Variants in FMN1 observed in about 807,000 individuals in gnomAD.
FMN1 encodes formin-1.
A neutral mutation model predicts 132.4 loss-of-function variants in FMN1; 110 were observed. The ratio of observed to expected loss-of-function variants is 0.83; its 90% CI spans 0.71 to 0.97. The LOEUF (loss-of-function observed/expected upper bound fraction) is 0.97. Ranked by LOEUF, FMN1 falls within the 50% of genes least tolerant of loss-of-function variation. FMN1 has a pLI of 0.00. For synonymous variants in FMN1, 722 were observed against 651.7 expected (o/e 1.11, Z -1.64); for missense variants, 1,792 against 1,705.3 (o/e 1.05, Z -0.90).
intron 3 of FMN1, among the ~76,000 whole-genome samples, chr15:33,168,463 T>C (rs1965194387): frequency 6.6e-6 from 1 of 152,198 alleles, no homozygotes; most frequent in Admixed American, 6.5e-5. Flanking sequence ...CTCTTTGTCC[T>C]GAAAGTATGT....
rs11855803 is a variant in FMN1 at position 32,950,432 on chromosome 15, A to G, written c.3138+13675T>C. On this transcript the variant is annotated intron_variant, in intron 9 of 20. Coordinates refer to ENST00000616417, the MANE Select transcript of FMN1 (RefSeq NM_001277313.2). ...TTCACAATAGCAAAGACATGGAATC[A>G]ACCTATAGATGCCCATCAATGACAG... Among the ~76,000 whole-genome samples, 1,293 of 152,242 alleles carry G rather than the reference A, an allele frequency of 8.5e-3. 24 individuals are homozygous for G. The highest frequency in any genetic ancestry group is 0.03 in the African/African-American group (1,228 of 41,562).
intron 4 of FMN1, among the ~76,000 whole-genome samples, chr15:33,109,767 T>C (rs1207691615): frequency 6.6e-6 from 1 of 151,466 alleles, no homozygotes; most frequent in African/African-American, 2.4e-5. Flanking sequence ...AAATAATATG[T>C]ACAACAACCC....
At chr15:32,855,538 A>G (rs192369259) in intron 17 of FMN1, among the ~76,000 whole-genome samples, 25 of 152,348 alleles carry the variant, frequency 1.6e-4, no homozygotes, top group Admixed American at 7.8e-4. Context: ...ATTCATATTT[A>G]TGTCTTTTCA....
At chr15:32,817,204 A>C (rs2141080039) in intron 17 of FMN1, among the ~76,000 whole-genome samples, 1 of 152,350 alleles carries the variant, frequency 6.6e-6, no homozygotes, top group African/African-American at 2.4e-5. Flanking sequence ...TTTAGTCATA[A>C]AAATGAATAG....
intron 2 of FMN1, among the ~76,000 whole-genome samples, chr15:33,185,774 G>T (rs939107972): frequency 1.3e-5 from 2 of 151,864 alleles, no homozygotes; most frequent in East Asian, 3.9e-4. Flanking sequence ...GTTTCACCAT[G>T]TTGGCCAGGC....
intron 19 of FMN1, among the ~76,000 whole-genome samples, chr15:32,794,279 C>T (rs1439645091): frequency 6.6e-6 from 1 of 152,148 alleles, no homozygotes; most frequent in Non-Finnish European, 1.5e-5. Flanking sequence ...ATTTTCATTT[C>T]ACATAAAATT....
intron 13 of FMN1, 73 bp from the exon 14 acceptor site, chr15:32,900,198 G>C (rs770959797): frequency 6.6e-7 from 1 of 1,517,322 alleles, no homozygotes; most frequent in Admixed American, 1.7e-5. Flanking sequence ...AACAAATATC[G>C]ACTGTGTACT....
chr15:33,189,667 G>C (rs1001313210), intron 2 of FMN1, among the ~76,000 whole-genome samples: 11 of 152,240 alleles, frequency 7.2e-5, no homozygotes, highest in African/African-American at 2.6e-4. Flanking sequence ...AGCCGGCCCC[G>C]TAAGCAAACA....
At position 32,875,613 on chromosome 15, in the gene FMN1, T is replaced by C. The variant is rs146401958; in HGVS notation, c.3835+12559A>G. 2.5e-3 allele frequency among the ~76,000 whole-genome samples: 373 copies of C among 152,208 alleles called. 4 individuals carry two copies. Among genetic ancestry groups the C allele is most frequent in the African/African-American group, 8.6e-3 (356 of 41,518 alleles). On this transcript the variant is annotated intron_variant, in intron 16 of 20. Transcript: ENST00000616417. ...TAGGAGCCACGCTGAGGTTGAGCTATCTGGGAAAGAATCTACGAGAGATAA... is the reference window on the plus strand; with the variant it reads ...TAGGAGCCACGCTGAGGTTGAGCTACCTGGGAAAGAATCTACGAGAGATAA...
At chr15:32,855,974 G>C (rs1390515589) in intron 17 of FMN1, among the ~76,000 whole-genome samples, 6 of 152,176 alleles carry the variant, frequency 3.9e-5, no homozygotes, top group Admixed American at 2.0e-4. Flanking sequence ...TGTAATGGCT[G>C]AGAGAGAAAT....
intron 6 of FMN1, among the ~76,000 whole-genome samples, chr15:33,013,294 G>T (rs1172968939): frequency 2.0e-5 from 3 of 152,202 alleles, no homozygotes; most frequent in Non-Finnish European, 4.4e-5. Context: ...CTGTTCTGTG[G>T]AAAGTATAAA....
At chr15:32,816,419 C>A (rs142879800) in intron 17 of FMN1, among the ~76,000 whole-genome samples, 88 of 152,182 alleles carry the variant, frequency 5.8e-4, no homozygotes, top group Non-Finnish European at 8.5e-4. Context: ...AGGTAACATA[C>A]CAAAATATTA....
In FMN1 at chr15:33,111,940, G is replaced by A. The variant is rs76299446; in HGVS notation, c.1868-22966C>T. ...TTTAAATGAGTGAATTATATGGCAT[G>A]TGTATTATATCTTAATAAAGCTGTT... On this transcript the variant is annotated intron_variant, in intron 4 of 20. Transcript: ENST00000616417. Among the ~76,000 whole-genome samples the A allele has an allele frequency of 7.8e-3, 1,185 of 152,246 alleles. 24 individuals carry two copies. The highest frequency in any genetic ancestry group is 0.054 in the East Asian group (282 of 5,180).
At chr15:33,156,448 G>T (rs1451481416) in intron 3 of FMN1, among the ~76,000 whole-genome samples, 1 of 151,026 alleles carries the variant, frequency 6.6e-6, no homozygotes, top group Admixed American at 6.6e-5. Flanking sequence ...CACCCAGCTA[G>T]TTTTTTTGTA....
At chr15:33,067,003 G>A (rs769679389) in intron 5 of FMN1, 1 of 1,613,938 alleles carries the variant, frequency 6.2e-7, no homozygotes, top group Non-Finnish European at 8.5e-7. Context: ...TTTCCGTGAT[G>A]GTCTCTCCTC....
chr15:33,177,858 A>T (rs1441560509), intron 3 of FMN1, among the ~76,000 whole-genome samples: 1 of 152,018 alleles, frequency 6.6e-6, no homozygotes, highest in Non-Finnish European at 1.5e-5. Context: ...TACAAAAAAA[A>T]TTAGCCAGGC....
chr15:33,185,395 T>C (rs945206824), intron 2 of FMN1, among the ~76,000 whole-genome samples: 8 of 152,000 alleles, frequency 5.3e-5, no homozygotes, highest in Non-Finnish European at 2.9e-5. Context: ...TTTGTATTAT[T>C]ATATTAATAT....
At chr15:33,157,762 C>CG (rs750811628) in intron 3 of FMN1, among the ~76,000 whole-genome samples, 1 of 151,958 alleles carries the variant, frequency 6.6e-6, no homozygotes, top group Non-Finnish European at 1.5e-5. Context: ...GAGGCCAAGG[C>CG]GGGAGGTTGC....
chr15:32,973,052 C>T (rs538650117), intron 7 of FMN1, among the ~76,000 whole-genome samples: 30 of 152,312 alleles, frequency 2.0e-4, no homozygotes, highest in Admixed American at 9.8e-4. Context: ...CTCAATCTTT[C>T]ACTGGACAAA....
Sources: allele counts gnomAD v4.1 joint callset (sites outside exome capture counted in the v4.1 genomes callset), GRCh38; gene constraint gnomAD v4.1.1; transcripts MANE v1.5; gene names NCBI Gene and HGNC (gene_info 2026-07-23, HGNC 2026-07-21).